Variants in FBXL5 observed in about 807,000 individuals in gnomAD.
FBXL5 encodes the protein F-box and leucine rich repeat protein 5, also known as F-box/LRR-repeat protein 5.
FBXL5 carries 26 observed loss-of-function variants against 78.3 expected under a neutral mutation model. The ratio of observed to expected loss-of-function variants is 0.33; its 90% CI spans 0.24 to 0.46. FBXL5 has a LOEUF of 0.46. Among genes scored for constraint, FBXL5 ranks in the 20% least tolerant of loss-of-function variants. The probability of loss-of-function intolerance (pLI) is 1.00; values close to 1 mark genes in which losing one functional copy is unlikely to be tolerated. For missense variants in FBXL5, 710 were observed against 829.2 expected (o/e 0.86, Z 1.77); for synonymous variants, 295 against 282.5 (o/e 1.04, Z -0.45).
At chr4:15,653,643 A>AT (rs35305004) in intron 1 of FBXL5, among the ~76,000 whole-genome samples, 42,792 of 150,254 alleles carry the variant, frequency 0.28, 6,888 homozygotes, top group Non-Finnish European at 0.37. Flanking sequence ...TTTTGAGACC[A>AT]TTTTTTTTTT....
chr4:15,679,151 C>T (rs1718105660), intron 1 of FBXL5, among the ~76,000 whole-genome samples: 1 of 150,998 alleles, frequency 6.6e-6, no homozygotes, highest in East Asian at 1.9e-4. Flanking sequence ...CAACCTCCGC[C>T]TCCTGGGTTC....
Position 15,638,783 on chromosome 4 carries a change from C to T in FBXL5, c.397-89G>A, listed in dbSNP as rs199906374. On this transcript the variant is annotated intron_variant, in intron 3 of 10. Transcript: ENST00000341285. ...TTTAAATTATTAATGGCTCGAATGTCGTATTATGACCATATATCTCAAAAA... is the reference window on the plus strand; with the variant it reads ...TTTAAATTATTAATGGCTCGAATGTTGTATTATGACCATATATCTCAAAAA... 322 of 773,282 alleles carry T rather than the reference C, an allele frequency of 4.2e-4. 1 individual carries two copies. Among genetic ancestry groups the T allele is most frequent in the East Asian group, 4.1e-3 (143 of 35,184 alleles). 47.9% of individuals were successfully genotyped at this position (773,282 alleles called of 1,614,324 possible).
At chr4:15,645,126 C>T (rs1454971384) in intron 1 of FBXL5, among the ~76,000 whole-genome samples, 1 of 151,838 alleles carries the variant, frequency 6.6e-6, no homozygotes, top group Non-Finnish European at 1.5e-5. Context: ...TAACACCATA[C>T]CTCCTAGACT....
At chr4:15,639,230 A>G (rs1261998438) in intron 3 of FBXL5, among the ~76,000 whole-genome samples, 1 of 152,198 alleles carries the variant, frequency 6.6e-6, no homozygotes, top group African/African-American at 2.4e-5. Context: ...AATCAATCCA[A>G]AACAATTTTA....
chr4:15,640,393 G>GAAAAA lies in FBXL5; in HGVS notation c.396+390_396+394dup, dbSNP rs33987840. On this transcript the variant is annotated intron_variant, in intron 3 of 10. Transcript: ENST00000341285. ...CATTTAAATACTAAACTACACTACT[G>GAAAAA]AAAAAAAAAAAAAAAAACATGAAAA... 2.7e-3 allele frequency among the ~76,000 whole-genome samples: 246 copies of GAAAAA among 91,572 alleles called. 6 individuals are homozygous for GAAAAA. Among genetic ancestry groups the GAAAAA allele is most frequent in the Middle Eastern group, 7.0e-3 (1 of 142 alleles). 60.1% of individuals were successfully genotyped at this position (91,572 alleles called of 152,430 possible). A position where few individuals can be genotyped will look rare whatever the true frequency, so the allele number is the denominator to read the frequency against.
upstream of FBXL5, among the ~76,000 whole-genome samples, chr4:15,663,734 T>G (rs557889827): frequency 4.8e-4 from 73 of 152,328 alleles, no homozygotes; most frequent in Non-Finnish European, 6.2e-4. Flanking sequence ...TTTCTGTCAC[T>G]ACTCAACAAA....
intron 5 of FBXL5, among the ~76,000 whole-genome samples, chr4:15,635,168 C>G (rs1481624994): frequency 6.6e-6 from 1 of 151,588 alleles, no homozygotes; most frequent in East Asian, 2.0e-4. Context: ...CCCGTCTCTA[C>G]TAAAAGTACA....
upstream of FBXL5, chr4:15,656,455 T>C: frequency 2.8e-6 from 1 of 354,058 alleles, no homozygotes; most frequent in Non-Finnish European, 5.6e-6. Context: ...TATGCTGTGT[T>C]CACCCTTGTT....
intron 1 of FBXL5, among the ~76,000 whole-genome samples, chr4:15,669,049 C>T (rs936348766): frequency 2.8e-4 from 42 of 152,166 alleles, no homozygotes; most frequent in African/African-American, 9.2e-4. Flanking sequence ...TCGGTTAGTA[C>T]AGGATACACC....
chr4:15,659,586 G>T, upstream of FBXL5: 1 of 230,422 alleles, frequency 4.3e-6, no homozygotes, highest in Non-Finnish European at 7.2e-6. Context: ...TTGAAGAGAA[G>T]TTTAGATAAT....
chr4:15,659,782 T>C (rs772794604), upstream of FBXL5: 85 of 976,160 alleles, frequency 8.7e-5, no homozygotes, highest in Non-Finnish European at 1.0e-4. Flanking sequence ...AATCTTGATT[T>C]TCAACCAGAG....
intron 9 of FBXL5, 49 bp from the exon 10 acceptor site, chr4:15,612,463 G>A (rs1248575206): frequency 1.3e-6 from 2 of 1,512,016 alleles, no homozygotes; most frequent in Non-Finnish European, 1.8e-6. Flanking sequence ...CTATAAAAAT[G>A]TTTGTATTCC....
intron 5 of FBXL5, among the ~76,000 whole-genome samples, chr4:15,631,180 TCCTTGTGA>T (rs1713610997): frequency 6.6e-6 from 1 of 152,212 alleles, no homozygotes; most frequent in Non-Finnish European, 1.5e-5. Context: ...TGGTTTTCTG[TCCTTGTGA>T]CAGTTTGCTA....
chr4:15,619,166 A>G (rs960430460), intron 9 of FBXL5, among the ~76,000 whole-genome samples: 5 of 152,208 alleles, frequency 3.3e-5, no homozygotes, highest in Admixed American at 6.5e-5. Flanking sequence ...CTGTCTCAAA[A>G]AAAAACCTCT....
chr4:15,644,941 T>C (rs1480883664), intron 1 of FBXL5, among the ~76,000 whole-genome samples: 1 of 152,068 alleles, frequency 6.6e-6, no homozygotes, highest in Non-Finnish European at 1.5e-5. Context: ...CACAGAAAAA[T>C]GATATGTGCA....
intron 4 of FBXL5, among the ~76,000 whole-genome samples, chr4:15,637,812 A>C (rs897512181): frequency 1.1e-4 from 16 of 152,134 alleles, no homozygotes; most frequent in Admixed American, 7.2e-4. Flanking sequence ...AAAAAACTCC[A>C]AGCTATTTTA....
chr4:15,626,010 T>C (rs1274794035), intron 8 of FBXL5, 33 bp from the exon 9 acceptor site: 2 of 1,497,740 alleles, frequency 1.3e-6, no homozygotes, highest in Admixed American at 2.4e-5. Flanking sequence ...TTAATGAATA[T>C]TGTTAAATTT....
At chr4:15,630,839 C>A (rs1374614637) in intron 5 of FBXL5, 48 bp from the exon 6 acceptor site, 3 of 1,595,518 alleles carry the variant, frequency 1.9e-6, no homozygotes, top group South Asian at 2.2e-5. Flanking sequence ...TATCAGATTG[C>A]CTGCAATTAT....
chr4:15,605,562 C>A lies in FBXL5; in HGVS notation c.*161G>T. 1 of 606,970 alleles carries A rather than the reference C, an allele frequency of 1.6e-6. No individual in the cohort carries two copies. Among genetic ancestry groups the A allele is most frequent in the Non-Finnish European group, 3.0e-6 (1 of 337,854 alleles). The allele number at this position is 606,970 out of a possible 1,614,324, so 37.6% of individuals were successfully genotyped here. A position where few individuals can be genotyped will look rare whatever the true frequency, so the allele number is the denominator to read the frequency against. On this transcript the variant is annotated 3_prime_UTR_variant, in exon 11 of 11. Transcript: ENST00000341285. ...ATAATTTGCAAGAGAAACAACATTA[C>A]AATTCACTGGTAAATTAAGATTTCT...
Sources: gnomAD v4.1 joint callset for allele counts (sites outside exome capture counted in the v4.1 genomes callset) on GRCh38, gnomAD v4.1.1 for gene constraint, MANE v1.5 for transcripts, NCBI Gene and HGNC (gene_info 2026-07-23, HGNC 2026-07-21) for gene names.